Variants in IGSF11 observed in about 807,000 individuals in gnomAD.
IGSF11 encodes immunoglobulin superfamily member 11, also known as CXADR like 1.
A neutral mutation model predicts 41.0 loss-of-function variants in IGSF11; 22 were observed. The observed-to-expected ratio is 0.54, with a 90% CI of 0.38 to 0.77. IGSF11 has a LOEUF of 0.77. IGSF11 is among the 30% of genes least tolerant of loss of function. The probability of loss-of-function intolerance (pLI) is 0.00; values close to 1 mark genes in which losing one functional copy is unlikely to be tolerated. For synonymous variants in IGSF11, 219 were observed against 201.3 expected, an observed-to-expected ratio of 1.09 and a Z score of -0.74; for missense variants, 444 against 530.8, an observed-to-expected ratio of 0.84 and a Z score of 1.61.
Position 118,964,548 on chromosome 3 carries a change from C to A in IGSF11, c.53-34273G>T, listed in dbSNP as rs1259062259. On this transcript the variant is annotated intron_variant, in intron 1 of 6. Transcript: ENST00000393775. ...AAAAGCATGGAGAAGGGAGGAGATA[C>A]AGATAGGAAGAAGGGAAGACATTTT... Among the ~76,000 whole-genome samples, 5 of 152,198 alleles carry A rather than the reference C, an allele frequency of 3.3e-5. No individual in the cohort carries two copies. In the East Asian group the frequency reaches 7.7e-4, roughly 23 times the overall value.
At chr3:119,094,223 T>TTAAAAAAAAAAAAAAAAAA (rs1491294473) in intron 1 of IGSF11, among the ~76,000 whole-genome samples, 2 of 35,066 alleles carry the variant, frequency 5.7e-5, no homozygotes, top group African/African-American at 8.0e-5. Flanking sequence ...CATAGCGAAG[T>TTAAAAAAAAAAAAAAAAAA]AAAAAAAAAA....
chr3:119,065,685 C>T lies in IGSF11; in HGVS notation c.49+39459G>A, dbSNP rs1419568321. Among the ~76,000 whole-genome samples, 5 of 149,432 alleles carry T rather than the reference C, an allele frequency of 3.3e-5. 1 individual carries two copies. Among genetic ancestry groups the T allele is most frequent in the East Asian group, 4.0e-4 (2 of 5,022 alleles). ...GTGTGCAACTGTAATCCCAGCTACT[C>T]GGGAGGCTGAAACAGGAGAATTGCT... is the stretch of plus-strand genomic sequence containing the variant. On this transcript the variant is annotated intron_variant, in intron 1 of 6. Coordinates refer to the IGSF11 transcript ENST00000354673.
At chr3:118,905,273 G>A (rs1356692229) in intron 5 of IGSF11, among the ~76,000 whole-genome samples, 2 of 151,670 alleles carry the variant, frequency 1.3e-5, no homozygotes, top group Non-Finnish European at 2.9e-5. Flanking sequence ...AAAGAAACAA[G>A]GAAAAAACAC....
chr3:118,992,129 A>G (rs1935846661), intron 1 of IGSF11, among the ~76,000 whole-genome samples: 1 of 152,282 alleles, frequency 6.6e-6, no homozygotes, highest in South Asian at 2.1e-4. Flanking sequence ...AGAATAGACA[A>G]TTAGTAATTC....
intron 1 of IGSF11, among the ~76,000 whole-genome samples, chr3:119,139,643 A>G (rs190148292): frequency 6.6e-6 from 1 of 151,686 alleles, no homozygotes; most frequent in East Asian, 1.9e-4. Flanking sequence ...AGTCCATTAA[A>G]CCTCTTTATT....
intron 1 of IGSF11, among the ~76,000 whole-genome samples, chr3:119,028,602 A>G (rs541430802): frequency 6.6e-6 from 1 of 152,296 alleles, no homozygotes; most frequent in Non-Finnish European, 1.5e-5. Flanking sequence ...TTAGGAAAAA[A>G]TATTTCAAAT....
At chr3:119,137,980 G>T (rs992940784) in intron 1 of IGSF11, among the ~76,000 whole-genome samples, 1 of 152,130 alleles carries the variant, frequency 6.6e-6, no homozygotes, top group Non-Finnish European at 1.5e-5. Flanking sequence ...TTGATCATCA[G>T]AGAAATGCAA....
intron 4 of IGSF11, among the ~76,000 whole-genome samples, chr3:118,910,878 T>A (rs979183035): frequency 6.6e-6 from 1 of 152,208 alleles, no homozygotes; most frequent in African/African-American, 2.4e-5. Context: ...TTGGGAATCC[T>A]TTTCCCTACA....
chr3:118,963,133 G>A (rs776597743), intron 1 of IGSF11, among the ~76,000 whole-genome samples: 2 of 152,132 alleles, frequency 1.3e-5, no homozygotes, highest in African/African-American at 2.4e-5. Context: ...CAGGCATCAG[G>A]ATTATCTGTC....
intron 1 of IGSF11, among the ~76,000 whole-genome samples, chr3:118,975,238 T>A (rs927105713): frequency 6.6e-6 from 1 of 152,190 alleles, no homozygotes; most frequent in Non-Finnish European, 1.5e-5. Flanking sequence ...GCCAAATATA[T>A]GTTTTTTAAA....
intron 1 of IGSF11, among the ~76,000 whole-genome samples, chr3:119,138,171 A>C (rs1003088482): frequency 1.3e-5 from 2 of 151,956 alleles, no homozygotes; most frequent in South Asian, 2.1e-4. Flanking sequence ...AAAAAAAAAA[A>C]AAAACTAAAA....
chr3:119,020,263 C>G (rs898255758), intron 1 of IGSF11, among the ~76,000 whole-genome samples: 6 of 152,200 alleles, frequency 3.9e-5, no homozygotes, highest in South Asian at 2.1e-4. Flanking sequence ...CAAGGACACA[C>G]AGACACTACT....
At chr3:119,088,494 A>G (rs1008791309) in intron 1 of IGSF11, among the ~76,000 whole-genome samples, 2 of 152,186 alleles carry the variant, frequency 1.3e-5, no homozygotes, top group Admixed American at 6.5e-5. Context: ...CATATTAACA[A>G]TCTAACTTTG....
At chr3:118,929,247 G>T (rs1441109083) in intron 2 of IGSF11, among the ~76,000 whole-genome samples, 2 of 152,108 alleles carry the variant, frequency 1.3e-5, no homozygotes, top group African/African-American at 4.8e-5. Flanking sequence ...TGCGAGTGAG[G>T]GACTCAGTTC....
chr3:118,969,986 G>GT (rs1235934480), intron 1 of IGSF11, among the ~76,000 whole-genome samples: 1 of 152,080 alleles, frequency 6.6e-6, no homozygotes. Flanking sequence ...GCGCATACAG[G>GT]TATCTCCTCA....
At chr3:119,113,765 A>G (rs922556267) in intron 1 of IGSF11, among the ~76,000 whole-genome samples, 6 of 152,174 alleles carry the variant, frequency 3.9e-5, no homozygotes, top group African/African-American at 1.4e-4. Context: ...GAGGTCTCAA[A>G]CCCCACATTT....
intron 1 of IGSF11, among the ~76,000 whole-genome samples, chr3:119,068,958 G>A (rs1251057814): frequency 1.7e-4 from 19 of 112,496 alleles, no homozygotes; most frequent in African/African-American, 6.8e-4. Context: ...ATGGAGTCTT[G>A]CTCTGTCTCA....
intron 1 of IGSF11, among the ~76,000 whole-genome samples, chr3:119,140,144 A>T (rs905840214): frequency 1.3e-5 from 2 of 152,148 alleles, no homozygotes; most frequent in African/African-American, 4.8e-5. Context: ...TGTATATCCT[A>T]CTTATAAATC....
At chr3:118,933,004 G>A (rs1161891739) in intron 1 of IGSF11, among the ~76,000 whole-genome samples, 1 of 152,254 alleles carries the variant, frequency 6.6e-6, no homozygotes, top group African/African-American at 2.4e-5. Context: ...ACAAGGAGCT[G>A]TGTGGGACAG....
Sources: allele counts gnomAD v4.1 joint callset (sites outside exome capture counted in the v4.1 genomes callset), GRCh38; gene constraint gnomAD v4.1.1; transcripts MANE v1.5; gene names NCBI Gene and HGNC (gene_info 2026-07-23, HGNC 2026-07-21).